The following RBM23 variants were observed in gnomAD, a reference collection of about 807,000 sequenced individuals.
The protein encoded by RBM23 is RNA binding motif protein 23.
Under a neutral mutation model 56.2 loss-of-function variants are expected in RBM23, and 53 were observed. The observed-to-expected ratio is 0.94, with a 90% CI of 0.76 to 1.19. RBM23 has a LOEUF of 1.19. RBM23 is among the 50% of genes most tolerant of loss of function. RBM23 has a pLI of 0.00. For synonymous variants in RBM23, 197 were observed against 198.5 expected (o/e 0.99, Z 0.06); for missense variants, 642 against 590.3 (o/e 1.09, Z -0.91).
At chr14:22,907,788 T>C (rs1372690093) in intron 4 of RBM23, among the ~76,000 whole-genome samples, 1 of 152,216 alleles carries the variant, frequency 6.6e-6, no homozygotes, top group Non-Finnish European at 1.5e-5. Context: ...TCTATGTGTA[T>C]TAATGCCCTT....
intron 3 of RBM23, 69 bp from the exon 4 acceptor site, chr14:22,908,449 G>C (rs2041937763): frequency 6.6e-7 from 1 of 1,516,044 alleles, no homozygotes; most frequent in East Asian, 2.5e-5. Flanking sequence ...CTGTCGTGCA[G>C]TGGTGCAATC....
rs370127873 is a variant in RBM23, at chr14:22,906,154, G to A, written c.401+41C>T. 277 of 1,606,728 alleles carry A rather than the reference G, an allele frequency of 1.7e-4. 1 individual carries two copies. The highest frequency in any genetic ancestry group is 1.2e-3 in the South Asian group (108 of 90,612). The stretch of plus-strand genomic sequence containing the variant: ...CATAGTGCATTTGTTGTTTTATCCA[G>A]ATTATTATACAAAAGTGAATCTATT... On this transcript the variant is annotated intron_variant, in intron 5 of 13. Coordinates refer to ENST00000359890, the MANE Select transcript of RBM23 (RefSeq NM_001077351.2).
rs1362897429 is a variant in RBM23, at chr14:22,901,219, T to C, written c.*511A>G. The stretch of plus-strand genomic sequence containing the variant: ...CTTCAAGCTAAGGTCTGAGGCTGGC[T>C]TCTCAATGCACGTCCATGCTATCTC... On this transcript the variant is annotated 3_prime_UTR_variant, in exon 14 of 14. Transcript: ENST00000359890. 1.8e-5 allele frequency: 3 copies of C among 162,258 alleles called. No homozygotes were observed. The East Asian group carries it at 5.4e-4, about 29-fold the overall frequency. 10.1% of individuals were successfully genotyped at this position (162,258 alleles called of 1,614,324 possible).
Position 22,899,928 on chromosome 14 carries a change from A to G in RBM23, c.*1802T>C, listed in dbSNP as rs2040320304. ...TAGCATTTTGTTGCCATAGAGATCA[A>G]AAAAGGAGCCCCACAGAGCCCTGCC... On this transcript the variant is annotated 3_prime_UTR_variant, in exon 14 of 14. Coordinates refer to ENST00000359890, the MANE Select transcript of RBM23 (RefSeq NM_001077351.2). 1 of 152,230 alleles carries G rather than the reference A, an allele frequency of 6.6e-6. No individual in the cohort carries two copies. Among genetic ancestry groups the G allele is most frequent in the Non-Finnish European group, 1.5e-5 (1 of 68,042 alleles). 9.4% of individuals were successfully genotyped at this position (152,230 alleles called of 1,614,324 possible). A position where few individuals can be genotyped will look rare whatever the true frequency, so the allele number is the denominator to read the frequency against.
chr14:22,906,067 T>C, intron 5 of RBM23, 128 bp downstream of exon 5: 2 of 1,167,016 alleles, frequency 1.7e-6, no homozygotes, highest in South Asian at 1.5e-5. Context: ...ATACCAACCC[T>C]TTCTGTGCCT....
At chr14:22,914,322 T>TCA (rs1555347066) in intron 1 of RBM23, among the ~76,000 whole-genome samples, 1 of 46,176 alleles carries the variant, frequency 2.2e-5, no homozygotes, top group Non-Finnish European at 4.3e-5. Flanking sequence ...AGACTCTGTC[T>TCA]CAAAAAAAAA....
intron 1 of RBM23, among the ~76,000 whole-genome samples, chr14:22,913,371 G>A (rs1222612959): frequency 2.4e-4 from 35 of 146,802 alleles, no homozygotes; most frequent in African/African-American, 8.1e-4. Flanking sequence ...CCGAGATCGC[G>A]CCACTGCACT....
In RBM23 at chr14:22,902,253, C is replaced by A. The variant is rs1181761516; in HGVS notation, c.1060G>T (p.Gly354Trp). 1 of 1,614,218 alleles carries A rather than the reference C, an allele frequency of 6.2e-7. No homozygotes were observed. Among genetic ancestry groups the A allele is most frequent in the Non-Finnish European group, 8.5e-7 (1 of 1,180,040 alleles). Reference protein sequence around the residue: ...DGGTDITFPDGDQELDLGSAG... With the variant: ...DGGTDITFPDWDQELDLGSAG... ...GATCCCAGATCCAGCTCCTGGTCCC[C>A]ATCAGGAAAAGTGATGTCTGTGCCA... Residue 354 changes from glycine (G) to tryptophan (W), a missense_variant, in exon 11 of 14, where the codon GGG (glycine) becomes TGG (tryptophan). Physicochemically the swap from Gly to Trp is radical, Grantham distance 184 (BLOSUM62 -2). Coordinates refer to ENST00000359890, the MANE Select transcript of RBM23 (RefSeq NM_001077351.2).
At chr14:22,902,556 A>G in intron 10 of RBM23, 174 bp from the exon 11 acceptor site, 1 of 1,332,890 alleles carries the variant, frequency 7.5e-7, no homozygotes, top group Non-Finnish European at 9.6e-7. Context: ...GTTCTCTGAA[A>G]AGGACCTTTT....
chr14:22,918,859 A>G (rs1051974902), intron 1 of RBM23, 140 bp downstream of exon 1: 5 of 152,232 alleles, frequency 3.3e-5, no homozygotes, highest in Non-Finnish European at 4.4e-5. Context: ...CAAAACAAAC[A>G]AAGGTTTTTT....
intron 10 of RBM23, chr14:22,903,947 A>C (rs903239854): frequency 7.7e-7 from 1 of 1,296,820 alleles, no homozygotes; most frequent in African/African-American, 1.5e-5. Flanking sequence ...CCCATACCTA[A>C]CCTCCCTCAC....
intron 4 of RBM23, among the ~76,000 whole-genome samples, chr14:22,906,876 T>C (rs2041667092): frequency 6.7e-6 from 1 of 149,598 alleles, no homozygotes; most frequent in South Asian, 2.1e-4. Flanking sequence ...CCGTCTCTAC[T>C]AAAAACACAA....
intron 1 of RBM23, 81 bp from the exon 2 acceptor site, chr14:22,911,484 C>T: frequency 1.7e-6 from 2 of 1,151,976 alleles, no homozygotes; most frequent in Admixed American, 2.0e-5. Context: ...TTTCCCACTC[C>T]AAGAAAGAGA....
chr14:22,914,049 G>T (rs2043055398), intron 1 of RBM23: 2 of 148,072 alleles, frequency 1.4e-5, no homozygotes, highest in East Asian at 2.0e-4. Context: ...AAAATTTGCT[G>T]GGCATGGTGG....
rs760235082 is a variant in RBM23 at position 22,906,365 on chromosome 14, AC to A, written c.230del (p.Arg77LeufsTer82). The A allele has an allele frequency of 6.2e-7, 1 of 1,614,064 alleles. No homozygotes were observed. The highest frequency in any genetic ancestry group is 1.1e-5 in the South Asian group (1 of 91,080). On this transcript the variant is annotated frameshift_variant and splice_region_variant, in exon 5 of 14. Transcript: ENST00000359890. LOFTEE classifies it high-confidence loss of function. ...HNKSRDRKRS[R>X]SRDRDRYRRR... The stretch of plus-strand genomic sequence containing the variant: ...GTCTATACCGATCCCGATCTCGACT[AC>A]GACTACAGAGGGAAACAACTACAGT...
intron 10 of RBM23, 70 bp from the exon 11 acceptor site, chr14:22,902,452 C>A: frequency 6.5e-7 from 1 of 1,527,308 alleles, no homozygotes; most frequent in African/African-American, 1.4e-5. Flanking sequence ...CAGTAACACT[C>A]CCTAGTCCTA....
At chr14:22,911,542 C>A in intron 1 of RBM23, 139 bp from the exon 2 acceptor site, 1 of 637,552 alleles carries the variant, frequency 1.6e-6, no homozygotes, top group Non-Finnish European at 2.7e-6. Context: ...TGCAAAGAAA[C>A]CTTACCAGCT....
chr14:22,911,222 A>G, intron 2 of RBM23, 106 bp downstream of exon 2: 1 of 897,186 alleles, frequency 1.1e-6, no homozygotes, highest in Non-Finnish European at 1.8e-6. Flanking sequence ...CTACATAATA[A>G]ATAAGCAGGG....
intron 1 of RBM23, chr14:22,912,013 C>T (rs765198819): frequency 2.0e-5 from 3 of 152,232 alleles, no homozygotes; most frequent in Non-Finnish European, 4.4e-5. Flanking sequence ...AAATACAACA[C>T]TGATCCTGTT....
Sources: allele counts gnomAD v4.1 joint callset (sites outside exome capture counted in the v4.1 genomes callset), GRCh38; gene constraint gnomAD v4.1.1; transcripts MANE v1.5; gene names NCBI Gene and HGNC (gene_info 2026-07-23, HGNC 2026-07-21).